NFYA: variants seen among roughly 807,000 people sequenced by gnomAD.
NFYA encodes CAAT-box DNA binding protein subunit A.
In NFYA, 28 loss-of-function variants were observed where a neutral mutation model predicts 52.8. The ratio of observed to expected loss-of-function variants is 0.53; its 90% CI spans 0.39 to 0.73. The LOEUF (loss-of-function observed/expected upper bound fraction) is 0.73. NFYA is among the 30% of genes least tolerant of loss of function. The pLI is 0.00. For synonymous variants in NFYA, 150 were observed against 150.7 expected (o/e 1.00, Z 0.03); for missense variants, 234 against 427.0 (o/e 0.55, Z 3.98).
At chr6:41,075,098 A>T (rs1403861676) in intron 1 of NFYA, among the ~76,000 whole-genome samples, 1 of 152,156 alleles carries the variant, frequency 6.6e-6, no homozygotes, top group Non-Finnish European at 1.5e-5. Context: ...GATTTTCTTA[A>T]TTCATTTGAT....
chr6:41,094,586 C>G, intron 9 of NFYA, 89 bp downstream of exon 9: 4 of 934,492 alleles, frequency 4.3e-6, no homozygotes, highest in Non-Finnish European at 5.1e-6. Context: ...TGCTATTTTC[C>G]TACTCTGGGA....
Position 41,082,304 on chromosome 6 carries a change from A to G in NFYA, c.162+1407A>G, listed in dbSNP as rs548518012. Among the ~76,000 whole-genome samples the G allele has an allele frequency of 4.3e-4, 66 of 152,352 alleles. 1 individual carries two copies. The South Asian group carries it at 0.014, about 32-fold the overall frequency. On this transcript the variant is annotated intron_variant, in intron 3 of 9. Transcript: ENST00000341376. Reference sequence around the variant, plus strand: ...AATTGTGTTCAAATCTCACAGTCCAACAGCTTGTTAATGTTTTTCATGCTT... The same window carrying G: ...AATTGTGTTCAAATCTCACAGTCCAGCAGCTTGTTAATGTTTTTCATGCTT...
At chr6:41,080,723 C>A in intron 2 of NFYA, 88 bp from the exon 3 acceptor site, 1 of 1,092,860 alleles carries the variant, frequency 9.2e-7, no homozygotes, top group Non-Finnish European at 1.4e-6. Context: ...GCTTCCGTCT[C>A]TCTCCTCCAA....
At chr6:41,084,994 A>G (rs1335520437) in intron 4 of NFYA, among the ~76,000 whole-genome samples, 4 of 152,244 alleles carry the variant, frequency 2.6e-5, no homozygotes, top group Non-Finnish European at 4.4e-5. Flanking sequence ...AAATATGTAG[A>G]AATGTTACAT....
intron 4 of NFYA, 51 bp from the exon 5 acceptor site, chr6:41,089,528 G>T (rs766624002): frequency 6.7e-7 from 1 of 1,497,288 alleles, no homozygotes; most frequent in Non-Finnish European, 8.9e-7. Context: ...GGGGACCAAA[G>T]GAGACCAGTG....
At position 41,099,202 on chromosome 6, in the gene NFYA, C is replaced by T. The variant is rs1356217998; in HGVS notation, c.*1792C>T. On this transcript the variant is annotated 3_prime_UTR_variant, in exon 10 of 10. Coordinates refer to ENST00000341376, the MANE Select transcript of NFYA (RefSeq NM_002505.5). ...TGGTAAGCTCACTAGAAACTTCTAGCTCTACAAGAGTTTGGGATATTAATG... is the reference window on the plus strand; with the variant it reads ...TGGTAAGCTCACTAGAAACTTCTAGTTCTACAAGAGTTTGGGATATTAATG... 2 of 152,214 alleles carry T rather than the reference C, an allele frequency of 1.3e-5. No individual in the cohort carries two copies. The highest frequency in any genetic ancestry group is 2.9e-5 in the Non-Finnish European group (2 of 68,044). The allele number at this position is 152,214 out of a possible 1,614,324, so 9.4% of individuals were successfully genotyped here.
rs562997076 is a variant in NFYA at position 41,099,936 on chromosome 6, A to G, written c.*2526A>G. 2 of 152,120 alleles carry G rather than the reference A, an allele frequency of 1.3e-5. No individual in the cohort carries two copies. Among genetic ancestry groups the G allele is most frequent in the African/African-American group, 4.8e-5 (2 of 41,406 alleles). 9.4% of individuals were successfully genotyped at this position (152,120 alleles called of 1,614,324 possible). On this transcript the variant is annotated 3_prime_UTR_variant, in exon 10 of 10. Transcript: ENST00000341376. ...GTGATCGATCATTAATGTCATTGCA[A>G]TTGTTATTTTTTAAAATAAATTTAT...
chr6:41,095,857 C>G (rs186661107), intron 9 of NFYA, among the ~76,000 whole-genome samples: 3 of 152,260 alleles, frequency 2.0e-5, no homozygotes, highest in Admixed American at 2.0e-4. Flanking sequence ...GGACTTAATT[C>G]TATTTAAGTA....
rs1201556089 is a variant in NFYA, at chr6:41,101,215, T to A, written c.*3805T>A. On this transcript the variant is annotated 3_prime_UTR_variant, in exon 10 of 10. Transcript: ENST00000341376. ...GGCCGGCACTTGCACTTAAGTCTCC[T>A]GGCCTGCGGGAGAGGCGGCCGTTGG... 1 of 152,274 alleles carries A rather than the reference T, an allele frequency of 6.6e-6. No homozygotes were observed. Among genetic ancestry groups the A allele is most frequent in the Admixed American group, 6.5e-5 (1 of 15,294 alleles). The allele number at this position is 152,274 out of a possible 1,614,324, so 9.4% of individuals were successfully genotyped here.
At chr6:41,086,488 C>T (rs753584299) in intron 4 of NFYA, among the ~76,000 whole-genome samples, 3 of 152,104 alleles carry the variant, frequency 2.0e-5, no homozygotes, top group Non-Finnish European at 4.4e-5. Context: ...GCCTCCCTTA[C>T]AATACTTAAG....
intron 3 of NFYA, among the ~76,000 whole-genome samples, chr6:41,083,082 C>A (rs1763952719): frequency 6.6e-6 from 1 of 152,202 alleles, no homozygotes; most frequent in South Asian, 2.1e-4. Flanking sequence ...TAAGTAATTT[C>A]TGTCAAAGAT....
intron 1 of NFYA, among the ~76,000 whole-genome samples, chr6:41,078,698 A>G (rs1763811608): frequency 6.6e-6 from 1 of 152,238 alleles, no homozygotes; most frequent in African/African-American, 2.4e-5. Context: ...TCTAAAGTAT[A>G]TGTGCAAACC....
intron 4 of NFYA, 94 bp from the exon 5 acceptor site, chr6:41,089,485 T>C: frequency 7.4e-7 from 1 of 1,358,188 alleles, no homozygotes; most frequent in Non-Finnish European, 9.7e-7. Flanking sequence ...TTCAGAACAT[T>C]TTCTGCTTTC....
chr6:41,090,476 C>T (rs1463111707), intron 6 of NFYA, among the ~76,000 whole-genome samples, 167 bp downstream of exon 6: 1 of 151,948 alleles, frequency 6.6e-6, no homozygotes, highest in African/African-American at 2.4e-5. Context: ...TTCTTGTCAC[C>T]ATCTGTGACC....
chr6:41,091,593 C>G lies in NFYA; in HGVS notation c.613C>G (p.Gln205Glu). Residue 205 changes from glutamine (Q) to glutamate (E), a missense_variant, in exon 7 of 10, where the codon CAA becomes GAA. Physicochemically the swap from Gln to Glu is conservative, Grantham distance 29. Transcript: ENST00000341376. ...CAGTTTGGCAGGAGCACAGATTGTTCAAACAGGAGCCAATACCAACACAAC... is the reference window on the plus strand; with the variant it reads ...CAGTTTGGCAGGAGCACAGATTGTTGAAACAGGAGCCAATACCAACACAAC... ...AASLAGAQIVQTGANTNTTSS... is the reference protein window; with the variant it reads ...AASLAGAQIVETGANTNTTSS... The G allele has an allele frequency of 1.2e-6, 2 of 1,614,192 alleles. No homozygotes were observed. Among genetic ancestry groups the G allele is most frequent in the Non-Finnish European group, 1.7e-6 (2 of 1,180,028 alleles).
rs1764520896 is a variant in NFYA, at chr6:41,102,280, T to G, written c.*4870T>G. ...ACTGAAAAGCTAGACCTTTGCCTATTATCTGCTAATCTACCCAGTCTCACA... is the reference window on the plus strand; with the variant it reads ...ACTGAAAAGCTAGACCTTTGCCTATGATCTGCTAATCTACCCAGTCTCACA... On this transcript the variant is annotated 3_prime_UTR_variant, in exon 10 of 10. Coordinates refer to ENST00000341376, the MANE Select transcript of NFYA (RefSeq NM_002505.5). 6.6e-6 allele frequency among the ~76,000 whole-genome samples: 1 copy of G among 152,184 alleles called. No homozygotes were observed. The highest frequency in any genetic ancestry group is 1.5e-5 in the Non-Finnish European group (1 of 68,026).
intron 1 of NFYA, among the ~76,000 whole-genome samples, chr6:41,078,567 A>G (rs1057225076): frequency 1.3e-5 from 2 of 152,224 alleles, no homozygotes; most frequent in Non-Finnish European, 2.9e-5. Context: ...TATTTTTAAA[A>G]GTGGATCTTC....
rs1351079613 is a variant in NFYA at position 41,073,068 on chromosome 6, C to CG, written c.-73dup. 6.5e-6 allele frequency: 1 copy of CG among 153,820 alleles called. No homozygotes were observed. The highest frequency in any genetic ancestry group is 1.5e-5 in the Non-Finnish European group (1 of 68,382). 9.5% of individuals were successfully genotyped at this position (153,820 alleles called of 1,614,324 possible). On this transcript the variant is annotated 5_prime_UTR_variant, in exon 1 of 10. Transcript: ENST00000341376. Reference sequence around the variant, plus strand: ...GAGCCAATCAGCGCGGGCAGCGAACCGGGGGAGCGAGGCACGGTGAGTGTG... The same window carrying CG: ...GAGCCAATCAGCGCGGGCAGCGAACCGGGGGGAGCGAGGCACGGTGAGTGTG...
chr6:41,090,422 CAAAA>C, intron 6 of NFYA, 113 bp downstream of exon 6: 2 of 449,550 alleles, frequency 4.4e-6, no homozygotes, highest in East Asian at 3.6e-5. Context: ...ATTTTTTGGA[CAAAA>C]AAAAAAAAGA....
Sources: allele counts gnomAD v4.1 joint callset (sites outside exome capture counted in the v4.1 genomes callset), GRCh38; gene constraint gnomAD v4.1.1; transcripts MANE v1.5; gene names NCBI Gene and HGNC (gene_info 2026-07-23, HGNC 2026-07-21).